The following NLGN4Y variants were observed in gnomAD, a reference collection of about 807,000 sequenced individuals.
NLGN4Y encodes the protein neuroligin 4 Y-linked.
NLGN4Y carries 4 observed loss-of-function variants against 8.4 expected under a neutral mutation model. The ratio of observed to expected loss-of-function variants is 0.48; its 90% CI spans 0.23 to 1.09. The LOEUF is 1.09. Ranked by LOEUF, NLGN4Y falls within the 50% of genes least tolerant of loss-of-function variation. NLGN4Y has a pLI of 0.19. For missense variants in NLGN4Y, 90 were observed against 192.3 expected (o/e 0.47, Z 3.15); for synonymous variants, 35 against 75.6 (o/e 0.46, Z 2.78).
At chrY:14,553,185 G>A (rs2080200219) in intron 1 of NLGN4Y, among the ~76,000 whole-genome samples, 1 of 32,621 alleles carries the variant, frequency 3.1e-5, no homozygotes. Flanking sequence ...GCTACAAAGA[G>A]AATAAAATGC....
intron 2 of NLGN4Y, among the ~76,000 whole-genome samples, chrY:14,645,809 TGATGGTGATGATGAG>T (rs2080609178): frequency 3.0e-5 from 1 of 33,570 alleles, no homozygotes; most frequent in African/African-American, 1.2e-4. Flanking sequence ...ATGATGATTA[TGATGGTGATGATGAG>T]GATGGTGATG....
At chrY:14,758,608 G>T in intron 4 of NLGN4Y, among the ~76,000 whole-genome samples, 1 of 33,253 alleles carries the variant, frequency 3.0e-5, no homozygotes, top group Admixed American at 2.8e-4. Flanking sequence ...CCATCATTTG[G>T]TCATCAGTGT....
At chrY:14,718,857 G>A in intron 2 of NLGN4Y, among the ~76,000 whole-genome samples, 1 of 33,258 alleles carries the variant, frequency 3.0e-5, no homozygotes, top group Non-Finnish European at 7.4e-5. Context: ...ACATGGAGTA[G>A]AGGTAAATCT....
intron 4 of NLGN4Y, among the ~76,000 whole-genome samples, chrY:14,735,050 T>C: frequency 5.8e-5 from 2 of 34,402 alleles, no homozygotes; most frequent in Admixed American, 5.3e-4. Flanking sequence ...TGTGAAGTAA[T>C]TTAAATTATG....
At chrY:14,591,936 G>C in intron 1 of NLGN4Y, among the ~76,000 whole-genome samples, 2 of 33,254 alleles carry the variant, frequency 6.0e-5, no homozygotes, top group African/African-American at 2.4e-4. Flanking sequence ...CCTTCGTAAC[G>C]AGGGTGGAAG....
intron 4 of NLGN4Y, among the ~76,000 whole-genome samples, chrY:14,790,801 G>A: frequency 3.0e-5 from 1 of 33,105 alleles, no homozygotes; most frequent in African/African-American, 1.2e-4. Flanking sequence ...CAACGTCAAT[G>A]GTGTGAGAAG....
intron 6 of NLGN4Y, among the ~76,000 whole-genome samples, chrY:14,836,317 G>T: frequency 3.0e-5 from 1 of 32,793 alleles, no homozygotes; most frequent in South Asian, 6.8e-4. Context: ...TTTGAAAGGG[G>T]CTCTAGAGAA....
At chrY:14,543,212 TA>T (rs2080157103) in intron 1 of NLGN4Y, among the ~76,000 whole-genome samples, 2 of 34,014 alleles carry the variant, frequency 5.9e-5, no homozygotes, top group African/African-American at 1.1e-4. Flanking sequence ...TTTCCATGCC[TA>T]AAATTATCAA....
At chrY:14,763,799 C>T (rs2081087304) in intron 4 of NLGN4Y, among the ~76,000 whole-genome samples, 2 of 33,303 alleles carry the variant, frequency 6.0e-5, no homozygotes, top group Non-Finnish European at 1.5e-4. Flanking sequence ...CCCAATCCAT[C>T]CTGTCCAGCC....
Position 14,550,597 on chromosome Y carries a change from C to T in NLGN4Y, c.-112+25889C>T, listed in dbSNP as rs768088314. The stretch of plus-strand genomic sequence containing the variant: ...TGTTGACAAAATCCCTCAGCCTTTG[C>T]TTGTCCATAAAGGATTTTATTTCTC... On this transcript the variant is annotated intron_variant, in intron 1 of 6. Transcript: ENST00000684976. Among the ~76,000 whole-genome samples the T allele has an allele frequency of 5.6e-4, 19 of 33,899 alleles. No homozygotes were observed. In the South Asian group the frequency reaches 0.013, roughly 22 times the overall value. 90.9% of individuals were successfully genotyped at this position (33,899 alleles called of 37,273 possible).
At chrY:14,663,282 A>T in intron 2 of NLGN4Y, among the ~76,000 whole-genome samples, 1 of 33,069 alleles carries the variant, frequency 3.0e-5, no homozygotes, top group African/African-American at 1.2e-4. Flanking sequence ...CCGTTGATGG[A>T]TGGTTAGGTT....
intron 4 of NLGN4Y, among the ~76,000 whole-genome samples, chrY:14,810,641 A>G: frequency 3.0e-5 from 1 of 33,357 alleles, no homozygotes; most frequent in Non-Finnish European, 7.4e-5. Flanking sequence ...GTTTTGATAT[A>G]TTATTGTTTA....
At chrY:14,703,210 G>T in intron 2 of NLGN4Y, among the ~76,000 whole-genome samples, 3 of 32,954 alleles carry the variant, frequency 9.1e-5, no homozygotes, top group Admixed American at 2.8e-4. Flanking sequence ...CATTGCTCTT[G>T]GTGTTTTAGA....
intron 2 of NLGN4Y, among the ~76,000 whole-genome samples, chrY:14,685,160 T>C: frequency 6.0e-5 from 2 of 33,256 alleles, no homozygotes; most frequent in African/African-American, 2.3e-4. Context: ...CTATCTTGCC[T>C]ATATGAGTAT....
At chrY:14,710,988 C>G (rs2080897380) in intron 2 of NLGN4Y, among the ~76,000 whole-genome samples, 1 of 33,622 alleles carries the variant, frequency 3.0e-5, no homozygotes, top group South Asian at 6.8e-4. Context: ...TGCTGCATAA[C>G]AAAGCACTCT....
intron 1 of NLGN4Y, among the ~76,000 whole-genome samples, chrY:14,565,531 A>T (rs2080248745): frequency 3.0e-5 from 1 of 32,907 alleles, no homozygotes; most frequent in African/African-American, 1.2e-4. Flanking sequence ...TGAAAAGACC[A>T]AATCTATGCT....
intron 1 of NLGN4Y, among the ~76,000 whole-genome samples, chrY:14,563,831 T>A: frequency 3.0e-5 from 1 of 33,429 alleles, no homozygotes; most frequent in Non-Finnish European, 7.4e-5. Flanking sequence ...TGCATAGAGG[T>A]GCTTATAATA....
At chrY:14,548,610 C>T (rs763779527) in intron 1 of NLGN4Y, among the ~76,000 whole-genome samples, 2 of 33,963 alleles carry the variant, frequency 5.9e-5, no homozygotes, top group Non-Finnish European at 1.5e-4. Flanking sequence ...TTTAATTATT[C>T]CCAGTTCTCT....
At chrY:14,522,814 T>C, upstream of NLGN4Y, 1 of 32,229 alleles carries the variant, frequency 3.1e-5, no homozygotes, top group African/African-American at 1.2e-4. Context: ...AGTTGGGGGG[T>C]TCCCGAAGGG....
Sources: gnomAD v4.1 joint callset for allele counts (sites outside exome capture counted in the v4.1 genomes callset) on GRCh38, gnomAD v4.1.1 for gene constraint, MANE v1.5 for transcripts, NCBI Gene and HGNC (gene_info 2026-07-23, HGNC 2026-07-21) for gene names.